The following DAAM2 variants were observed in gnomAD, a reference collection of about 807,000 sequenced individuals.
DAAM2 encodes dishevelled associated activator of morphogenesis 2.
A neutral mutation model predicts 120.7 loss-of-function variants in DAAM2; 39 were observed. That is an observed-to-expected ratio of 0.32 (90% CI 0.25 to 0.42). The LOEUF is 0.42. DAAM2 is among the 10% of genes least tolerant of loss of function. DAAM2 has a pLI of 1.00. For missense variants in DAAM2, 1,283 were observed against 1,401.7 expected, an observed-to-expected ratio of 0.92 and a Z score of 1.35; for synonymous variants, 488 against 524.9, an observed-to-expected ratio of 0.93 and a Z score of 0.96.
chr6:39,884,719 T>A (rs1765297421), intron 15 of DAAM2: 1 of 153,034 alleles, frequency 6.5e-6, no homozygotes, highest in African/African-American at 2.4e-5. Context: ...AGTCTGGTCT[T>A]CCAGTCACAG....
At chr6:39,850,805 T>A (rs1173575895) in intron 1 of DAAM2, among the ~76,000 whole-genome samples, 1 of 152,168 alleles carries the variant, frequency 6.6e-6, no homozygotes. Context: ...CATGTCCTTG[T>A]CCTGTTACCC....
intron 5 of DAAM2, 172 bp from the exon 6 acceptor site, chr6:39,867,338 T>A (rs1354848728): frequency 6.5e-6 from 4 of 617,732 alleles, no homozygotes; most frequent in Non-Finnish European, 1.1e-5. Context: ...AAGACACAAG[T>A]CTTTTGTGAA....
chr6:39,846,506 T>C (rs768363044), intron 1 of DAAM2, among the ~76,000 whole-genome samples: 2 of 152,178 alleles, frequency 1.3e-5, no homozygotes, highest in Non-Finnish European at 2.9e-5. Context: ...TAACCCTATG[T>C]TGGACTTCTG....
intron 19 of DAAM2, among the ~76,000 whole-genome samples, chr6:39,892,816 G>A (rs1765816051): frequency 6.6e-6 from 1 of 152,098 alleles, no homozygotes; most frequent in East Asian, 1.9e-4. Context: ...GGATAGGGTG[G>A]AGCATGCAGA....
chr6:39,845,041 A>G (rs1224158572), intron 1 of DAAM2, among the ~76,000 whole-genome samples: 1 of 141,278 alleles, frequency 7.1e-6, no homozygotes, highest in African/African-American at 2.6e-5. Flanking sequence ...TACACCACAC[A>G]TGCACATATA....
intron 1 of DAAM2, among the ~76,000 whole-genome samples, chr6:39,818,193 A>C (rs1413831775): frequency 6.8e-6 from 1 of 146,060 alleles, no homozygotes; most frequent in Non-Finnish European, 1.5e-5. Flanking sequence ...AAAAAAAAAA[A>C]AAAAAAAAAA....
intron 1 of DAAM2, among the ~76,000 whole-genome samples, chr6:39,826,546 C>T (rs1482439180): frequency 6.6e-6 from 1 of 152,152 alleles, no homozygotes; most frequent in African/African-American, 2.4e-5. Context: ...TGCCCAATAG[C>T]TCCCCTTTCC....
In DAAM2 at chr6:39,861,227, C is replaced by T. The variant is rs573299262; in HGVS notation, c.258+210C>T. 1.6e-4 allele frequency: 104 copies of T among 640,708 alleles called. 1 individual carries two copies. The highest frequency in any genetic ancestry group is 1.1e-3 in the South Asian group (68 of 64,686). 39.7% of individuals were successfully genotyped at this position (640,708 alleles called of 1,614,324 possible). A position where few individuals can be genotyped will look rare whatever the true frequency, so the allele number is the denominator to read the frequency against. ...GAAATAGGATTCTCTTTTTCAAAAACGCTTAAAGCAGGACCTGCTGCATCC... is the reference window on the plus strand; with the variant it reads ...GAAATAGGATTCTCTTTTTCAAAAATGCTTAAAGCAGGACCTGCTGCATCC... On this transcript the variant is annotated intron_variant, in intron 3 of 24. Transcript: ENST00000274867.
At chr6:39,832,004 G>A (rs1762929405) in intron 1 of DAAM2, among the ~76,000 whole-genome samples, 1 of 144,698 alleles carries the variant, frequency 6.9e-6, no homozygotes, top group Non-Finnish European at 1.5e-5. Flanking sequence ...CACTGGGGAG[G>A]CAGGTATACT....
intron 1 of DAAM2, among the ~76,000 whole-genome samples, chr6:39,814,667 C>T (rs537775279): frequency 6.6e-6 from 1 of 152,362 alleles, no homozygotes; most frequent in Admixed American, 6.5e-5. Context: ...CCTGATTCCT[C>T]ACTTTCTGCT....
At chr6:39,897,788 A>G (rs972923552) in intron 21 of DAAM2, among the ~76,000 whole-genome samples, 1 of 152,194 alleles carries the variant, frequency 6.6e-6, no homozygotes, top group Non-Finnish European at 1.5e-5. Context: ...GAGGATAGGT[A>G]AAATCAAAAT....
At chr6:39,814,742 A>C (rs1561999605) in intron 1 of DAAM2, among the ~76,000 whole-genome samples, 1 of 152,166 alleles carries the variant, frequency 6.6e-6, no homozygotes. Flanking sequence ...GTGGAACTCA[A>C]ATGCCTGAGC....
In DAAM2 at chr6:39,870,452, C is replaced by T. The variant is rs747434941; in HGVS notation, c.977+9C>T. On this transcript the variant is annotated intron_variant, in intron 8 of 24. Coordinates refer to ENST00000274867, the MANE Select transcript of DAAM2 (RefSeq NM_001201427.2). ...AATGCCATCCTGGACAAGTAAGTTC[C>T]AAGCACCCGTCTCCATTGCAAACCT... is the stretch of plus-strand genomic sequence containing the variant. The T allele has an allele frequency of 6.5e-7, 1 of 1,533,640 alleles. No homozygotes were observed. Among genetic ancestry groups the T allele is most frequent in the South Asian group, 1.2e-5 (1 of 84,208 alleles).
chr6:39,798,778 G>T (rs756615012), intron 1 of DAAM2, among the ~76,000 whole-genome samples: 2 of 152,086 alleles, frequency 1.3e-5, no homozygotes, highest in Non-Finnish European at 2.9e-5. Flanking sequence ...GCCTGCTCAG[G>T]TGTCCCTTTT....
rs373169061 is a variant in DAAM2, at chr6:39,878,246, G to A, written c.1345G>A (p.Glu449Lys). 1.5e-5 allele frequency: 25 copies of A among 1,613,888 alleles called. No individual in the cohort carries two copies. The highest frequency in any genetic ancestry group is 4.2e-6 in the Non-Finnish European group (5 of 1,179,892). Residue 449 changes from glutamate (E) to lysine (K), a missense_variant, in exon 12 of 25, where the codon GAG becomes AAG. By Grantham distance (56) the Glu-to-Lys change is moderately conservative (BLOSUM62 1). Coordinates refer to ENST00000274867, the MANE Select transcript of DAAM2 (RefSeq NM_001201427.2). This position sits in a 1 kb window ranked among gnomAD's most constrained non-coding sequence, Gnocchi z 5.0. ...NEVKQWRDQAEKFRKEHMELV... is the reference protein window; with the variant it reads ...NEVKQWRDQAKKFRKEHMELV... ...AGTGAAACAGTGGCGAGACCAGGCA[G>A]AGAAGTTCCGGAAAGGTGAGGGGCT...
intron 1 of DAAM2, among the ~76,000 whole-genome samples, chr6:39,830,668 C>T (rs1055137145): frequency 6.6e-5 from 10 of 152,260 alleles, no homozygotes; most frequent in East Asian, 1.9e-4. Flanking sequence ...CCCAGGCCTG[C>T]GGAGGTTCCC....
chr6:39,875,118 A>T (rs1017256478), intron 10 of DAAM2, among the ~76,000 whole-genome samples: 1 of 152,154 alleles, frequency 6.6e-6, no homozygotes, highest in African/African-American at 2.4e-5. Context: ...TGGTTGACAC[A>T]TCCGTAGAAG....
At chr6:39,837,354 T>C (rs1242547466) in intron 1 of DAAM2, among the ~76,000 whole-genome samples, 3 of 152,068 alleles carry the variant, frequency 2.0e-5, no homozygotes, top group Admixed American at 2.0e-4. Context: ...GGGTGGAATA[T>C]TAGGAGTGCA....
At chr6:39,793,612 T>A (rs980226122) in intron 1 of DAAM2, among the ~76,000 whole-genome samples, 1 of 152,192 alleles carries the variant, frequency 6.6e-6, no homozygotes, top group Non-Finnish European at 1.5e-5. Context: ...CAAAGTCTTG[T>A]GTTTTCCCCC....
Sources: allele counts gnomAD v4.1 joint callset (sites outside exome capture counted in the v4.1 genomes callset), GRCh38; gene constraint gnomAD v4.1.1; non-coding constraint Gnocchi (gnomAD v3.1); transcripts MANE v1.5; gene names NCBI Gene and HGNC (gene_info 2026-07-23, HGNC 2026-07-21).